Variants in OPCML observed in about 807,000 individuals in gnomAD.
The protein encoded by OPCML is opioid binding protein/cell adhesion molecule like, also known as opioid-binding protein/cell adhesion molecule.
Under a neutral mutation model 37.8 loss-of-function variants are expected in OPCML, and 13 were observed. That is an observed-to-expected ratio of 0.34 (90% confidence interval 0.22 to 0.55). The LOEUF (loss-of-function observed/expected upper bound fraction) is 0.55. Ranked by LOEUF, OPCML falls within the 20% of genes least tolerant of loss-of-function variation. The pLI, the probability that OPCML is intolerant of heterozygous loss-of-function variation, is 0.91. For missense variants in OPCML, 341 were observed against 435.6 expected (o/e 0.78, Z 1.93); for synonymous variants, 176 against 168.8 (o/e 1.04, Z -0.33).
At chr11:132,584,853 G>C (rs1318920283) in intron 3 of OPCML, among the ~76,000 whole-genome samples, 2 of 152,192 alleles carry the variant, frequency 1.3e-5, no homozygotes, top group African/African-American at 4.8e-5. Flanking sequence ...CACATGGTTA[G>C]ATAACATTTA....
At chr11:133,165,010 A>G (rs1950190750) in intron 1 of OPCML, among the ~76,000 whole-genome samples, 1 of 152,232 alleles carries the variant, frequency 6.6e-6, no homozygotes, top group Non-Finnish European at 1.5e-5. Context: ...TTAAGGGTAA[A>G]TGAACTAGAA....
intron 1 of OPCML, among the ~76,000 whole-genome samples, chr11:133,270,177 GGATT>G (rs1941785900): frequency 2.0e-5 from 3 of 152,154 alleles, no homozygotes; most frequent in South Asian, 2.1e-4. Context: ...TGTTTGTGTT[GGATT>G]GATTGATTGA....
chr11:133,444,474 T>C (rs1441220324), intron 1 of OPCML, among the ~76,000 whole-genome samples: 4 of 152,132 alleles, frequency 2.6e-5, no homozygotes, highest in Non-Finnish European at 5.9e-5. Context: ...TAGTTATATA[T>C]ATAGGTCTGA....
chr11:132,963,142 A>C (rs571745808), intron 1 of OPCML, among the ~76,000 whole-genome samples: 1 of 152,164 alleles, frequency 6.6e-6, no homozygotes, highest in Non-Finnish European at 1.5e-5. Context: ...TCACCGTGTC[A>C]TAGACTTTAG....
intron 2 of OPCML, among the ~76,000 whole-genome samples, chr11:132,750,652 G>A (rs1034428529): frequency 5.3e-5 from 8 of 152,042 alleles, no homozygotes; most frequent in Admixed American, 2.6e-4. Context: ...GTCTAGCAAT[G>A]GATTTGAATA....
intron 2 of OPCML, among the ~76,000 whole-genome samples, chr11:132,896,588 G>C (rs757713536): frequency 3.3e-5 from 5 of 152,220 alleles, no homozygotes; most frequent in Admixed American, 6.5e-5. Flanking sequence ...CAGCTGGCAA[G>C]GCCAGCAATA....
At chr11:132,447,442 G>A (rs2136820986) in intron 4 of OPCML, among the ~76,000 whole-genome samples, 1 of 152,018 alleles carries the variant, frequency 6.6e-6, no homozygotes, top group Admixed American at 6.5e-5. Flanking sequence ...GGGACTACAG[G>A]TGCATGCACC....
At chr11:133,157,786 C>A (rs1950082833) in intron 1 of OPCML, among the ~76,000 whole-genome samples, 1 of 152,230 alleles carries the variant, frequency 6.6e-6, no homozygotes, top group Non-Finnish European at 1.5e-5. Context: ...GTGTGTCCAC[C>A]TAGCCTGCTA....
chr11:132,558,961 A>T (rs1373406869), intron 3 of OPCML, among the ~76,000 whole-genome samples: 1 of 152,202 alleles, frequency 6.6e-6, no homozygotes, highest in African/African-American at 2.4e-5. Flanking sequence ...GCTGACCACC[A>T]GCAAGCGCTC....
intron 2 of OPCML, among the ~76,000 whole-genome samples, chr11:132,818,605 AGAT>A (rs1479211270): frequency 8.3e-4 from 83 of 99,756 alleles, no homozygotes; most frequent in Non-Finnish European, 1.1e-3. Flanking sequence ...ATAGATAGAT[AGAT>A]GATAGATAGA....
chr11:132,842,304 GCT>G (rs1321085642), intron 2 of OPCML, among the ~76,000 whole-genome samples: 2 of 152,132 alleles, frequency 1.3e-5, no homozygotes, highest in African/African-American at 4.8e-5. Context: ...ATTAATCCTT[GCT>G]AGAGGTCGCT....
At chr11:132,588,763 G>A (rs1020984254) in intron 3 of OPCML, among the ~76,000 whole-genome samples, 1 of 152,120 alleles carries the variant, frequency 6.6e-6, no homozygotes, top group Admixed American at 6.6e-5. Flanking sequence ...GTCTCACCAG[G>A]GATTGGCCAC....
At chr11:133,229,117 C>T (rs752138954) in intron 1 of OPCML, among the ~76,000 whole-genome samples, 6 of 152,170 alleles carry the variant, frequency 3.9e-5, no homozygotes, top group Non-Finnish European at 8.8e-5. Context: ...AAAGGCCCCC[C>T]GGAGAGCCAG....
rs192877296 is a variant in OPCML at position 133,056,184 on chromosome 11, G to A, written c.62-113174C>T. 2.1e-4 allele frequency among the ~76,000 whole-genome samples: 32 copies of A among 152,352 alleles called. No homozygotes were observed. In the East Asian group the frequency reaches 5.4e-3, roughly 26 times the overall value. On this transcript the variant is annotated intron_variant, in intron 1 of 7. Transcript: ENST00000524381. ...GACAGAGAATGATTTATAAATGATT[G>A]TTATTCTATATGTGATATCTAATAA...
chr11:133,140,513 AAAT>A (rs377272496), intron 1 of OPCML, among the ~76,000 whole-genome samples: 1,045 of 95,872 alleles, frequency 0.011, 25 homozygotes, highest in Middle Eastern at 0.033. Flanking sequence ...CTCTGTCTCA[AAAT>A]AATAATAATA....
chr11:133,198,858 G>A (rs563660892), intron 1 of OPCML, among the ~76,000 whole-genome samples: 2 of 152,192 alleles, frequency 1.3e-5, no homozygotes, highest in African/African-American at 4.8e-5. Context: ...GGGTGCATAT[G>A]AACCAATGAG....
intron 1 of OPCML, among the ~76,000 whole-genome samples, chr11:133,254,580 G>T (rs1357608444): frequency 6.6e-6 from 1 of 152,208 alleles, no homozygotes; most frequent in Admixed American, 6.5e-5. Context: ...AGATGAAGAT[G>T]AAGTCAAGAG....
At chr11:132,785,207 C>T (rs1042568794) in intron 2 of OPCML, among the ~76,000 whole-genome samples, 3 of 152,284 alleles carry the variant, frequency 2.0e-5, no homozygotes, top group African/African-American at 4.8e-5. Flanking sequence ...AAACAATAAA[C>T]TCACTATGTG....
At chr11:132,856,739 G>T (rs920798697) in intron 2 of OPCML, among the ~76,000 whole-genome samples, 1 of 152,136 alleles carries the variant, frequency 6.6e-6, no homozygotes, top group African/African-American at 2.4e-5. Context: ...TGTGCATGTG[G>T]CCCCTCCGAA....
Sources: allele counts gnomAD v4.1 joint callset (sites outside exome capture counted in the v4.1 genomes callset), GRCh38; gene constraint gnomAD v4.1.1; transcripts MANE v1.5; gene names NCBI Gene and HGNC (gene_info 2026-07-23, HGNC 2026-07-21).